ARHGAP27: variants seen among roughly 807,000 people sequenced by gnomAD.
ARHGAP27 encodes rho GTPase-activating protein 27.
In ARHGAP27, 53 loss-of-function variants were observed where a neutral mutation model predicts 102.0. The ratio of observed to expected loss-of-function variants is 0.52; its 90% CI spans 0.42 to 0.65. The LOEUF is 0.65. Among genes scored for constraint, ARHGAP27 ranks in the 30% least tolerant of loss-of-function variants. The pLI, the probability that ARHGAP27 is intolerant of heterozygous loss-of-function variation, is 0.00. For synonymous variants in ARHGAP27, 525 were observed against 542.8 expected (o/e 0.97, Z 0.46); for missense variants, 1,117 against 1,256.2 (o/e 0.89, Z 1.68).
Position 45,395,472 on chromosome 17 carries a change from A to T in ARHGAP27, c.2654T>A (p.Ile885Asn). 6.4e-7 allele frequency: 1 copy of T among 1,564,552 alleles called. No homozygotes were observed. The highest frequency in any genetic ancestry group is 8.7e-7 in the Non-Finnish European group (1 of 1,153,820). Residue 885 changes from isoleucine to asparagine, a missense_variant, in exon 20 of 20, where the codon ATC becomes AAC. Ile to Asn is a moderately radical substitution (Grantham distance 149, BLOSUM62 -3). Transcript: ENST00000685559. ...VELILQQCAD[I>N]FPPH ...GGCCAGCAGTCAGTGCGGCGGGAAG[A>T]TGTCCGCGCACTGCTGCAGGATGAG...
Position 45,416,598 on chromosome 17 carries a change from G to A in ARHGAP27, c.658-10515C>T, listed in dbSNP as rs148461869. The stretch of plus-strand genomic sequence containing the variant: ...GAGTCTAGCTCTGTCGCCCAGGCTG[G>A]AGTACAGTGGCGCAATCTTGACTCA... On this transcript the variant is annotated intron_variant, in intron 4 of 19. Coordinates refer to ENST00000685559, the MANE Select transcript of ARHGAP27 (RefSeq NM_001282290.2). 3.0e-4 allele frequency among the ~76,000 whole-genome samples: 46 copies of A among 150,920 alleles called. No individual in the cohort carries two copies. The East Asian group carries it at 7.9e-3, about 26-fold the overall frequency.
At chr17:45,401,312 C>T (rs565865874) in intron 12 of ARHGAP27, among the ~76,000 whole-genome samples, 2 of 152,202 alleles carry the variant, frequency 1.3e-5, no homozygotes, top group Non-Finnish European at 2.9e-5. Context: ...GCACTTCAGC[C>T]TGGGCAACAG....
intron 4 of ARHGAP27, among the ~76,000 whole-genome samples, chr17:45,420,299 TG>T (rs1317572615): frequency 4.4e-5 from 2 of 45,544 alleles, no homozygotes; most frequent in Non-Finnish European, 1.3e-4. Flanking sequence ...ACAAGGTTTT[TG>T]TTTTGTTTTG....
In ARHGAP27 at chr17:45,393,936, A is replaced by T. The variant is rs548359607; in HGVS notation, c.*1520T>A. The T allele has an allele frequency of 1.3e-5, 2 of 152,796 alleles. No individual in the cohort carries two copies. The highest frequency in any genetic ancestry group is 4.1e-4 in the South Asian group (2 of 4,832). The allele number at this position is 152,796 out of a possible 1,614,324, so 9.5% of individuals were successfully genotyped here. ...GAGAATAGAACATATTTTATTTAACAGTTGTTAGCTTGATTGATAACTTTT... is the reference window on the plus strand; with the variant it reads ...GAGAATAGAACATATTTTATTTAACTGTTGTTAGCTTGATTGATAACTTTT... On this transcript the variant is annotated 3_prime_UTR_variant, in exon 20 of 20. Coordinates refer to ENST00000685559, the MANE Select transcript of ARHGAP27 (RefSeq NM_001282290.2).
Position 45,429,785 on chromosome 17 carries a change from G to C in ARHGAP27, c.495C>G (p.Val165=). The C allele has an allele frequency of 1.3e-6, 2 of 1,522,112 alleles. No homozygotes were observed. The highest frequency in any genetic ancestry group is 1.8e-6 in the Non-Finnish European group (2 of 1,138,706). The allele number at this position is 1,522,112 out of a possible 1,614,324, so 94.3% of individuals were successfully genotyped here. A position where few individuals can be genotyped will look rare whatever the true frequency, so the allele number is the denominator to read the frequency against. The part of the protein sequence containing the change: ...QSLNDLACAA[V]SPPAGLLGSS... Reference sequence around the variant, plus strand: ...TTCCTAGGAGGCCGGCGGGAGGCGAGACGGCGGCGCAGGCCAGGTCGTTCA... The same window carrying C: ...TTCCTAGGAGGCCGGCGGGAGGCGACACGGCGGCGCAGGCCAGGTCGTTCA... The change falls in exon 4 of 20, where the codon GTC becomes GTG. Residue 165 remains valine (V), a synonymous_variant. Coordinates refer to ENST00000685559, the MANE Select transcript of ARHGAP27 (RefSeq NM_001282290.2).
At chr17:45,411,347 C>T (rs2047888617) in intron 4 of ARHGAP27, among the ~76,000 whole-genome samples, 1 of 152,116 alleles carries the variant, frequency 6.6e-6, no homozygotes, top group Non-Finnish European at 1.5e-5. Context: ...CCCACCAGCC[C>T]ACCCCTGCTG....
intron 12 of ARHGAP27, among the ~76,000 whole-genome samples, chr17:45,402,025 AC>A (rs1419198603): frequency 6.6e-6 from 1 of 152,182 alleles, no homozygotes; most frequent in African/African-American, 2.4e-5. Flanking sequence ...ACAAGACAAC[AC>A]ATGGACAGTG....
At chr17:45,417,245 C>A (rs1482567437) in intron 4 of ARHGAP27, among the ~76,000 whole-genome samples, 1 of 150,858 alleles carries the variant, frequency 6.6e-6, no homozygotes, top group Non-Finnish European at 1.5e-5. Flanking sequence ...AGGCAGATCA[C>A]CTGAGGTCAG....
In ARHGAP27 at chr17:45,405,903, C is replaced by T. The variant is rs1490955606; in HGVS notation, c.838G>A (p.Glu280Lys). 1 of 1,535,976 alleles carries T rather than the reference C, an allele frequency of 6.5e-7. No homozygotes were observed. Among genetic ancestry groups the T allele is most frequent in the Non-Finnish European group, 8.7e-7 (1 of 1,146,828 alleles). The part of the protein sequence containing the change: ...TGVTTWESPF[E>K]AAEGAASPAT... ...GGGCTGGCGGCACCCTCGGCAGCCT[C>T]AAAGGGCGACTCCCAGGTGGTAACT... The change falls in exon 5 of 20, where the codon GAG becomes AAG. Residue 280 changes from glutamate (E) to lysine (K), a missense_variant. Physicochemically the swap from Glu to Lys is moderately conservative, Grantham distance 56. Coordinates refer to ENST00000685559, the MANE Select transcript of ARHGAP27 (RefSeq NM_001282290.2).
At chr17:45,413,291 T>C (rs1381284335) in intron 4 of ARHGAP27, among the ~76,000 whole-genome samples, 2 of 152,060 alleles carry the variant, frequency 1.3e-5, no homozygotes, top group African/African-American at 2.4e-5. Flanking sequence ...TGTAATCTTA[T>C]TGCATGGATG....
chr17:45,427,804 C>A lies in ARHGAP27; in HGVS notation c.657+1819G>T, dbSNP rs1212292005. 6.6e-6 allele frequency among the ~76,000 whole-genome samples: 1 copy of A among 152,188 alleles called. No homozygotes were observed. Among genetic ancestry groups the A allele is most frequent in the Admixed American group, 6.5e-5 (1 of 15,284 alleles). On this transcript the variant is annotated intron_variant, in intron 4 of 19. Coordinates refer to ENST00000685559, the MANE Select transcript of ARHGAP27 (RefSeq NM_001282290.2). The surrounding 1 kb of genome is among the most constrained non-coding windows in gnomAD (Gnocchi z 4.5). ...TTCCCCCCCTGGGTAAGTCCCCTAC[C>A]CCTATCATCGGTGCCCCTCCCTCCA...
rs2045448567 is a variant in ARHGAP27 at position 45,395,230 on chromosome 17, TGACGG to T, written c.*221_*225del. ...ACCGAATTAACCCCCAAACAGGACG[TGACGG>T]GAAGGGAAGGGGGGATGGGGAGTTG... is the stretch of plus-strand genomic sequence containing the variant. On this transcript the variant is annotated 3_prime_UTR_variant, in exon 20 of 20. Transcript: ENST00000685559. The T allele has an allele frequency of 1.7e-6, 1 of 596,180 alleles. No homozygotes were observed. Among genetic ancestry groups the T allele is most frequent in the Non-Finnish European group, 2.9e-6 (1 of 343,266 alleles). The allele number at this position is 596,180 out of a possible 1,614,324, so 36.9% of individuals were successfully genotyped here. A position where few individuals can be genotyped will look rare whatever the true frequency, so the allele number is the denominator to read the frequency against.
Position 45,404,617 on chromosome 17 carries a change from C to T in ARHGAP27, c.1313G>A (p.Arg438Gln), listed in dbSNP as rs772327132. ...GGTTGTTACCTGGGGCAGCTCCCATCGAACAGAGGAGTCCTCTGGATTGTA... is the reference window on the plus strand; with the variant it reads ...GGTTGTTACCTGGGGCAGCTCCCATTGAACAGAGGAGTCCTCTGGATTGTA... ...YFYNPEDSSV[R>Q]WELPQVPVPA... is the part of the protein sequence containing the mutation. The change falls in exon 7 of 20, where the codon CGA becomes CAA. Residue 438 changes from arginine (R) to glutamine (Q), a missense_variant. Physicochemically the swap from Arg to Gln is conservative, Grantham distance 43. Transcript: ENST00000685559. 1.6e-5 allele frequency: 26 copies of T among 1,613,980 alleles called. No individual in the cohort carries two copies. Among genetic ancestry groups the T allele is most frequent in the Admixed American group, 1.0e-4 (6 of 59,964 alleles).
chr17:45,410,828 G>A (rs569439352), intron 4 of ARHGAP27, among the ~76,000 whole-genome samples: 2 of 152,044 alleles, frequency 1.3e-5, no homozygotes, highest in African/African-American at 4.8e-5. Context: ...GGAAGCTTGT[G>A]GGGGGGAGGG....
At chr17:45,416,193 A>C (rs1047792205) in intron 4 of ARHGAP27, among the ~76,000 whole-genome samples, 7 of 151,292 alleles carry the variant, frequency 4.6e-5, no homozygotes, top group Admixed American at 3.3e-4. Context: ...CTACAGGCGC[A>C]CGCCACCAGG....
At position 45,425,354 on chromosome 17, in the gene ARHGAP27, G is replaced by C. The variant is rs562586251; in HGVS notation, c.657+4269C>G. 4.6e-5 allele frequency among the ~76,000 whole-genome samples: 7 copies of C among 152,116 alleles called. No individual in the cohort carries two copies. The East Asian group carries it at 1.4e-3, about 29-fold the overall frequency. Reference sequence around the variant, plus strand: ...AAAGTCCCCCTAGCTGGCCCCGAAGGGGGACAGGAGGGTCTGTCCCAAGGC... The same window carrying C: ...AAAGTCCCCCTAGCTGGCCCCGAAGCGGGACAGGAGGGTCTGTCCCAAGGC... On this transcript the variant is annotated intron_variant, in intron 4 of 19. Coordinates refer to ENST00000685559, the MANE Select transcript of ARHGAP27 (RefSeq NM_001282290.2).
chr17:45,403,510 C>T (rs1261845326), intron 11 of ARHGAP27, 109 bp downstream of exon 11: 2 of 920,558 alleles, frequency 2.2e-6, no homozygotes, highest in South Asian at 3.6e-5. Flanking sequence ...GAGATTACAC[C>T]ACTACACTCC....
In ARHGAP27 at chr17:45,396,288, G is replaced by A; in HGVS notation, c.2174-4C>T. 1.9e-6 allele frequency: 3 copies of A among 1,609,404 alleles called. No homozygotes were observed. The highest frequency in any genetic ancestry group is 1.7e-6 in the Non-Finnish European group (2 of 1,178,236). On this transcript the variant is annotated splice_region_variant and splice_polypyrimidine_tract_variant and intron_variant, in intron 16 of 19. Transcript: ENST00000685559. ...TACAGCCCGTCGATGTCCAGCCCTGGGCCAGAGGGAGGCGCTGATCCCGGG... is the reference window on the plus strand; with the variant it reads ...TACAGCCCGTCGATGTCCAGCCCTGAGCCAGAGGGAGGCGCTGATCCCGGG...
rs755013900 is a variant in ARHGAP27, at chr17:45,403,694, A to G, written c.1563T>C (p.Ser521=). 2 of 1,612,926 alleles carry G rather than the reference A, an allele frequency of 1.2e-6. No homozygotes were observed. The highest frequency in any genetic ancestry group is 3.3e-5 in the Admixed American group (2 of 59,814). ...CACCCTCCAGCACAGTCCAGGAGGCACTCCAGTGCTTCTTCCTAGGTGGGG... is the reference window on the plus strand; with the variant it reads ...CACCCTCCAGCACAGTCCAGGAGGCGCTCCAGTGCTTCTTCCTAGGTGGGG... ...KGKRLRKKHW[S]ASWTVLEGGV... is the part of the protein sequence containing the mutation. Residue 521 remains serine (S), a synonymous_variant, in exon 11 of 20, where the codon AGT becomes AGC. Transcript: ENST00000685559.
Sources: allele counts gnomAD v4.1 joint callset (sites outside exome capture counted in the v4.1 genomes callset), GRCh38; gene constraint gnomAD v4.1.1; non-coding constraint Gnocchi (gnomAD v3.1); transcripts MANE v1.5; gene names NCBI Gene and HGNC (gene_info 2026-07-23, HGNC 2026-07-21).